The following TRHDE variants were observed in gnomAD, a reference collection of about 807,000 sequenced individuals.
TRHDE encodes thyrotropin releasing hormone degrading enzyme.
In TRHDE, 72 loss-of-function variants were observed where a neutral mutation model predicts 125.7. The ratio of observed to expected loss-of-function variants is 0.57; its 90% CI spans 0.47 to 0.70. TRHDE has a LOEUF of 0.70. TRHDE is among the 30% of genes least tolerant of loss of function. TRHDE has a pLI of 0.00. For synonymous variants in TRHDE, 509 were observed against 509.1 expected, an observed-to-expected ratio of 1.00 and a Z score of 0.00; for missense variants, 1,110 against 1,327.1, an observed-to-expected ratio of 0.84 and a Z score of 2.54.
At chr12:72,354,235 G>A (rs1443606912) in intron 2 of TRHDE, among the ~76,000 whole-genome samples, 1 of 151,492 alleles carries the variant, frequency 6.6e-6, no homozygotes, top group Non-Finnish European at 1.5e-5. Context: ...CACACAAAAT[G>A]CAATGTGTTT....
At chr12:72,486,201 C>T (rs937451320) in intron 5 of TRHDE, among the ~76,000 whole-genome samples, 3 of 152,196 alleles carry the variant, frequency 2.0e-5, no homozygotes, top group Admixed American at 1.3e-4. Context: ...GGATGTACCT[C>T]AGAGCAACAG....
At chr12:72,352,950 CTTT>C in intron 2 of TRHDE, among the ~76,000 whole-genome samples, 1 of 143,942 alleles carries the variant, frequency 6.9e-6, no homozygotes, top group East Asian at 2.0e-4. Context: ...CTCTTCTGTA[CTTT>C]TTTTTTTTTA....
intron 12 of TRHDE, among the ~76,000 whole-genome samples, chr12:72,613,554 G>A (rs1165743868): frequency 1.3e-5 from 2 of 152,174 alleles, no homozygotes; most frequent in African/African-American, 4.8e-5. Flanking sequence ...TTTTGTGCTA[G>A]GTTCTGCATT....
chr12:72,596,938 T>G (rs1463949703), intron 12 of TRHDE, among the ~76,000 whole-genome samples: 1 of 152,230 alleles, frequency 6.6e-6, no homozygotes, highest in Non-Finnish European at 1.5e-5. Context: ...AAATCTATTC[T>G]GAATTTAAAT....
chr12:72,130,102 C>A (rs938217196), intron 2 of TRHDE, among the ~76,000 whole-genome samples: 4 of 151,918 alleles, frequency 2.6e-5, no homozygotes, highest in Admixed American at 1.3e-4. Context: ...GAGTTTGAGA[C>A]CAGCCTGGCC....
intron 2 of TRHDE, among the ~76,000 whole-genome samples, chr12:72,294,948 G>A (rs1252625064): frequency 6.6e-6 from 1 of 151,986 alleles, no homozygotes; most frequent in Non-Finnish European, 1.5e-5. Context: ...CCCCGACTTT[G>A]CTCCGAGATA....
intron 6 of TRHDE, among the ~76,000 whole-genome samples, chr12:72,529,694 G>A (rs1592515305): frequency 1.3e-5 from 2 of 152,038 alleles, no homozygotes; most frequent in African/African-American, 2.4e-5. Flanking sequence ...AGTGTTGGTC[G>A]TTCTGTGTAT....
At chr12:72,093,191 T>C (rs1376913595) in intron 1 of TRHDE, among the ~76,000 whole-genome samples, 1 of 152,272 alleles carries the variant, frequency 6.6e-6, no homozygotes, top group African/African-American at 2.4e-5. Context: ...AGAAGTCTGC[T>C]GATAGCCTAT....
At chr12:72,115,976 A>G (rs548116666) in intron 2 of TRHDE, among the ~76,000 whole-genome samples, 6 of 152,172 alleles carry the variant, frequency 3.9e-5, no homozygotes, top group Non-Finnish European at 8.8e-5. Context: ...CTCTGCATGC[A>G]TTAGGTATTT....
chr12:72,472,492 C>A (rs1040446448), intron 4 of TRHDE, among the ~76,000 whole-genome samples: 2 of 152,000 alleles, frequency 1.3e-5, no homozygotes, highest in African/African-American at 2.4e-5. Context: ...GGGTGAGGGA[C>A]CTCAAAAACC....
chr12:72,630,466 C>G (rs1873447377), intron 15 of TRHDE, among the ~76,000 whole-genome samples: 1 of 151,732 alleles, frequency 6.6e-6, no homozygotes, highest in South Asian at 2.1e-4. Flanking sequence ...TGAACTTCTG[C>G]TCTCAGACCA....
At chr12:72,250,161 A>G (rs1404605389) in intron 2 of TRHDE, among the ~76,000 whole-genome samples, 8 of 152,198 alleles carry the variant, frequency 5.3e-5, no homozygotes, top group Admixed American at 5.2e-4. Flanking sequence ...GCAAGAGGCC[A>G]AGGGAACTTT....
chr12:72,208,366 G>T (rs1008770338), intron 2 of TRHDE, among the ~76,000 whole-genome samples: 2 of 152,150 alleles, frequency 1.3e-5, no homozygotes, highest in Non-Finnish European at 2.9e-5. Flanking sequence ...TGCAGTTATT[G>T]TTCAGGTTCC....
chr12:72,237,679 C>T (rs1424852890), intron 2 of TRHDE, among the ~76,000 whole-genome samples: 1 of 152,172 alleles, frequency 6.6e-6, no homozygotes, highest in East Asian at 1.9e-4. Context: ...TGCCTGCTTC[C>T]TCTTTGCCTA....
chr12:72,170,824 C>G (rs1404516532), intron 2 of TRHDE, among the ~76,000 whole-genome samples: 1 of 152,182 alleles, frequency 6.6e-6, no homozygotes, highest in Admixed American at 6.5e-5. Flanking sequence ...CAATTTCTCT[C>G]TCTCTCTGCC....
intron 2 of TRHDE, among the ~76,000 whole-genome samples, chr12:72,309,987 T>C (rs1352368956): frequency 6.6e-6 from 1 of 152,214 alleles, no homozygotes; most frequent in East Asian, 1.9e-4. Flanking sequence ...TTTTGTTGCT[T>C]GTTAATGCAA....
At chr12:72,582,032 G>A (rs957278498) in intron 12 of TRHDE, among the ~76,000 whole-genome samples, 1 of 149,454 alleles carries the variant, frequency 6.7e-6, no homozygotes, top group African/African-American at 2.5e-5. Flanking sequence ...AACCCAGGAG[G>A]CGGAACTTGT....
rs1258713831 is a variant in TRHDE at position 72,542,541 on chromosome 12, A to T, written c.1788+185A>T. Among the ~76,000 whole-genome samples the T allele has an allele frequency of 2.6e-5, 4 of 151,314 alleles. No homozygotes were observed. In the East Asian group the frequency reaches 5.8e-4, roughly 22 times the overall value. On this transcript the variant is annotated intron_variant, in intron 7 of 18. Coordinates refer to ENST00000261180, the MANE Select transcript of TRHDE (RefSeq NM_013381.3). ...GATACTCACGATATCAACTGACAAAACTTGAACTGTTGAACAATTTAGAAT... is the reference window on the plus strand; with the variant it reads ...GATACTCACGATATCAACTGACAAATCTTGAACTGTTGAACAATTTAGAAT...
At chr12:72,550,093 C>T (rs973612257) in intron 7 of TRHDE, among the ~76,000 whole-genome samples, 1 of 151,668 alleles carries the variant, frequency 6.6e-6, no homozygotes, top group African/African-American at 2.4e-5. Flanking sequence ...ATTAGCTAAT[C>T]GGGTTGATAT....
Sources: allele counts gnomAD v4.1 joint callset (sites outside exome capture counted in the v4.1 genomes callset), GRCh38; gene constraint gnomAD v4.1.1; transcripts MANE v1.5; gene names NCBI Gene and HGNC (gene_info 2026-07-23, HGNC 2026-07-21).